The following ABCC1 variants were observed in gnomAD, a reference collection of about 807,000 sequenced individuals.
ABCC1 encodes multidrug resistance-associated protein 1.
Under a neutral mutation model 172.9 loss-of-function variants are expected in ABCC1, and 83 were observed. The ratio of observed to expected loss-of-function variants is 0.48; its 90% CI spans 0.40 to 0.58. The LOEUF (loss-of-function observed/expected upper bound fraction) is 0.58. ABCC1 is among the 20% of genes least tolerant of loss of function. ABCC1 has a pLI of 0.00. For synonymous variants in ABCC1, 937 were observed against 825.2 expected (o/e 1.14, Z -2.32); for missense variants, 1,817 against 2,002.7 (o/e 0.91, Z 1.77).
chr16:16,045,993 A>C lies in ABCC1; in HGVS notation c.1198A>C (p.Ile400Leu). 4 of 1,614,166 alleles carry C rather than the reference A, an allele frequency of 2.5e-6. No individual in the cohort carries two copies. The highest frequency in any genetic ancestry group is 3.4e-6 in the Non-Finnish European group (4 of 1,180,034). Residue 400 changes from isoleucine to leucine, a missense_variant, in exon 9 of 31, where the codon ATT (isoleucine) becomes CTT (leucine). This residue lies in a region of ABCC1 where 1,412 missense variants were observed against 1,600.3 expected (regional missense o/e 0.88). Coordinates refer to ENST00000399410, the MANE Select transcript of ABCC1 (RefSeq NM_004996.4). ...VSGMRIKTAV[I>L]GAVYRKALVI... ...TGGCATGAGGATCAAGACCGCTGTC[A>C]TTGGGGCTGTCTATCGGAAGGTAGG...
At chr16:16,045,395 CAAAAAAAAA>C (rs34870561) in intron 8 of ABCC1, among the ~76,000 whole-genome samples, 1 of 64,704 alleles carries the variant, frequency 1.5e-5, no homozygotes, top group Non-Finnish European at 2.9e-5. Context: ...GACTTTGTCT[CAAAAAAAAA>C]AAAAAAAAAA....
At chr16:16,003,156 G>T (rs1262761233) in intron 1 of ABCC1, among the ~76,000 whole-genome samples, 1 of 151,954 alleles carries the variant, frequency 6.6e-6, no homozygotes, top group South Asian at 2.1e-4. Flanking sequence ...TGTTGGGTGG[G>T]TAGATGGATT....
intron 11 of ABCC1, among the ~76,000 whole-genome samples, chr16:16,055,106 T>C (rs1174615905): frequency 2.0e-5 from 3 of 152,156 alleles, no homozygotes; most frequent in Non-Finnish European, 4.4e-5. Flanking sequence ...GGCATATGCC[T>C]GTGGTCCCAG....
rs1452720396 is a variant in ABCC1, at chr16:16,125,026, G to A, written c.3717+111G>A. ...GGAATGGGGGAGAGGAACTTGAGAGGTACGGAGTTTGAGGAGCAGGTACAG... is the reference window on the plus strand; with the variant it reads ...GGAATGGGGGAGAGGAACTTGAGAGATACGGAGTTTGAGGAGCAGGTACAG... On this transcript the variant is annotated intron_variant, in intron 25 of 30. Coordinates refer to ENST00000399410, the MANE Select transcript of ABCC1 (RefSeq NM_004996.4). 15 of 1,518,190 alleles carry A rather than the reference G, an allele frequency of 9.9e-6. No homozygotes were observed. The South Asian group carries it at 1.8e-4, about 18-fold the overall frequency. 94.0% of individuals were successfully genotyped at this position (1,518,190 alleles called of 1,614,324 possible). A position where few individuals can be genotyped will look rare whatever the true frequency, so the allele number is the denominator to read the frequency against.
Position 16,114,809 on chromosome 16 carries a change from G to A in ABCC1, c.3123G>A (p.Gly1041=), listed in dbSNP as rs535391225. The A allele has an allele frequency of 3.7e-6, 6 of 1,608,652 alleles. No homozygotes were observed. The highest frequency in any genetic ancestry group is 5.1e-6 in the Non-Finnish European group (6 of 1,175,494). The change falls in exon 23 of 31, where the codon GGG becomes GGA. Residue 1041 remains glycine (G), a synonymous_variant. Coordinates refer to ENST00000399410, the MANE Select transcript of ABCC1 (RefSeq NM_004996.4). ...ACTCCATGGCCGTGTCCATCGGGGG[G>A]ATCTTGGCTTCCCGCTGTCTGCACG... ...FGYSMAVSIG[G]ILASRCLHVD...
chr16:15,949,715 C>T lies in ABCC1; in HGVS notation c.-37C>T. The T allele has an allele frequency of 9.0e-7, 1 of 1,115,666 alleles. No individual in the cohort carries two copies. Among genetic ancestry groups the T allele is most frequent in the Middle Eastern group, 3.9e-4 (1 of 2,540 alleles). The allele number at this position is 1,115,666 out of a possible 1,614,324, so 69.1% of individuals were successfully genotyped here. A position where few individuals can be genotyped will look rare whatever the true frequency, so the allele number is the denominator to read the frequency against. On this transcript the variant is annotated 5_prime_UTR_variant, in exon 1 of 31. Transcript: ENST00000399410. The stretch of plus-strand genomic sequence containing the variant: ...CGCGCCAGCAACCGGGCCCGATCAC[C>T]CGCCGCCCGGTGCCCGCCGCCGCCC...
intron 1 of ABCC1, among the ~76,000 whole-genome samples, chr16:15,976,297 C>T (rs998902939): frequency 1.3e-5 from 2 of 152,054 alleles, no homozygotes; most frequent in African/African-American, 4.8e-5. Context: ...AGAGAAAAGG[C>T]GGATCGTTAA....
intron 20 of ABCC1, among the ~76,000 whole-genome samples, chr16:16,103,458 T>A (rs1293425004): frequency 6.6e-6 from 1 of 152,090 alleles, no homozygotes; most frequent in African/African-American, 2.4e-5. Context: ...CAGGCGCCTG[T>A]AGTCCCAGCT....
intron 30 of ABCC1, among the ~76,000 whole-genome samples, chr16:16,140,752 A>G (rs570212290): frequency 2.6e-5 from 4 of 152,198 alleles, no homozygotes; most frequent in African/African-American, 4.8e-5. Flanking sequence ...CAGCTTTCAC[A>G]CTATAAATAC....
At chr16:16,031,393 C>T (rs1833889238) in intron 5 of ABCC1, among the ~76,000 whole-genome samples, 1 of 152,172 alleles carries the variant, frequency 6.6e-6, no homozygotes, top group Non-Finnish European at 1.5e-5. Flanking sequence ...TCTGTCATCC[C>T]AGGAGCTCTG....
At chr16:16,109,059 C>T (rs149737633) in intron 21 of ABCC1, among the ~76,000 whole-genome samples, 48 of 152,330 alleles carry the variant, frequency 3.2e-4, no homozygotes, top group Non-Finnish European at 6.3e-4. Flanking sequence ...TCCTCACCCA[C>T]ATTTTTCATT....
At chr16:16,052,566 C>A (rs551343527) in intron 10 of ABCC1, among the ~76,000 whole-genome samples, 158 bp from the exon 11 acceptor site, 1 of 152,300 alleles carries the variant, frequency 6.6e-6, no homozygotes, top group East Asian at 1.9e-4. Context: ...AGGAATGAAA[C>A]CACAGGCTCT....
chr16:15,968,961 A>G (rs2046308034), intron 1 of ABCC1, among the ~76,000 whole-genome samples: 1 of 151,660 alleles, frequency 6.6e-6, no homozygotes, highest in Non-Finnish European at 1.5e-5. Flanking sequence ...TAATCTCAGT[A>G]CGTTGAGAGG....
chr16:16,111,411 A>G lies in ABCC1; in HGVS notation c.2908A>G (p.Ile970Val), dbSNP rs891359706. 1.2e-6 allele frequency: 2 copies of G among 1,614,154 alleles called. No homozygotes were observed. Among genetic ancestry groups the G allele is most frequent in the Non-Finnish European group, 1.7e-6 (2 of 1,180,046 alleles). ...CGTGTACTGGGACTACATGAAGGCC[A>G]TCGGACTCTTCATCTCCTTCCTCAG... ...LSVYWDYMKA[I>V]GLFISFLSIF... The change falls in exon 22 of 31, where the codon ATC becomes GTC. Residue 970 changes from isoleucine to valine, a missense_variant. Coordinates refer to ENST00000399410, the MANE Select transcript of ABCC1 (RefSeq NM_004996.4).
intron 10 of ABCC1, among the ~76,000 whole-genome samples, chr16:16,052,334 T>C (rs1345273357): frequency 1.3e-5 from 2 of 152,074 alleles, no homozygotes; most frequent in African/African-American, 2.4e-5. Context: ...AATGCTTACC[T>C]GTAGTCCCAG....
At chr16:16,134,650 T>C in intron 28 of ABCC1, 142 bp downstream of exon 28, 2 of 723,654 alleles carry the variant, frequency 2.8e-6, no homozygotes, top group South Asian at 2.0e-5. Context: ...TTTTTTTTTT[T>C]TCCTGAAACA....
At chr16:16,134,541 A>G (rs776304858) in intron 28 of ABCC1, 33 bp downstream of exon 28, 2 of 1,611,536 alleles carry the variant, frequency 1.2e-6, no homozygotes, top group South Asian at 2.2e-5. Context: ...GGGGTGAGCC[A>G]GAGCTGGCAA....
At chr16:16,097,719 C>A (rs1419978894) in intron 19 of ABCC1, among the ~76,000 whole-genome samples, 1 of 152,210 alleles carries the variant, frequency 6.6e-6, no homozygotes, top group African/African-American at 2.4e-5. Flanking sequence ...TGCTTCTTGA[C>A]TTGACTATAC....
intron 12 of ABCC1, among the ~76,000 whole-genome samples, chr16:16,059,694 A>G (rs1056289986): frequency 3.3e-5 from 5 of 151,920 alleles, no homozygotes; most frequent in African/African-American, 1.2e-4. Context: ...GGTCATAGCT[A>G]CTCGGGAGGC....
Sources: gnomAD v4.1 joint callset for allele counts (sites outside exome capture counted in the v4.1 genomes callset) on GRCh38, gnomAD v4.1.1 for gene constraint, gnomAD v4.1.1 regional missense constraint, MANE v1.5 for transcripts, NCBI Gene and HGNC (gene_info 2026-07-23, HGNC 2026-07-21) for gene names.